LRP5: variants seen among roughly 807,000 people sequenced by gnomAD.
LRP5 encodes LDL receptor related protein 5.
In LRP5, 62 loss-of-function variants were observed where a neutral mutation model predicts 154.1. That is an observed-to-expected ratio of 0.40 (90% CI 0.33 to 0.50). The LOEUF (loss-of-function observed/expected upper bound fraction) is 0.50. Ranked by LOEUF, LRP5 falls within the 20% of genes least tolerant of loss-of-function variation. The pLI is 0.55. For missense variants in LRP5, 1,915 were observed against 2,336.7 expected (o/e 0.82, Z 3.72); for synonymous variants, 966 against 1,011.5 (o/e 0.96, Z 0.85).
chr11:68,424,184 G>A (rs896970176), intron 14 of LRP5, among the ~76,000 whole-genome samples: 5 of 152,158 alleles, frequency 3.3e-5, no homozygotes, highest in Non-Finnish European at 7.4e-5. Flanking sequence ...GAGGGAGACC[G>A]AAACCCATGT....
intron 1 of LRP5, among the ~76,000 whole-genome samples, chr11:68,335,768 T>C (rs568854551): frequency 6.6e-6 from 1 of 151,970 alleles, no homozygotes; most frequent in Non-Finnish European, 1.5e-5. Context: ...AAAAGCACAG[T>C]GATGTGGAAA....
At chr11:68,327,648 C>T (rs554117701) in intron 1 of LRP5, among the ~76,000 whole-genome samples, 1 of 152,292 alleles carries the variant, frequency 6.6e-6, no homozygotes, top group Admixed American at 6.5e-5. Flanking sequence ...AGTTCCACCT[C>T]CTATGAGGAC....
At chr11:68,357,091 A>T (rs1022613638) in intron 2 of LRP5, among the ~76,000 whole-genome samples, 1 of 151,904 alleles carries the variant, frequency 6.6e-6, no homozygotes, top group African/African-American at 2.4e-5. Context: ...GCTCACTACC[A>T]CGCCTGGCTA....
intron 7 of LRP5, among the ~76,000 whole-genome samples, chr11:68,398,674 A>G (rs1296693622): frequency 1.3e-5 from 2 of 151,828 alleles, no homozygotes; most frequent in African/African-American, 4.8e-5. Flanking sequence ...AGGAGGTTTC[A>G]TGACCCATGA....
chr11:68,379,177 C>G (rs1050823421), intron 5 of LRP5, among the ~76,000 whole-genome samples: 1 of 152,218 alleles, frequency 6.6e-6, no homozygotes, highest in Non-Finnish European at 1.5e-5. Flanking sequence ...ATCATTCACT[C>G]TTCTCCAGAG....
chr11:68,306,860 T>A, the LRP5 span, among the ~76,000 whole-genome samples: 1 of 152,220 alleles, frequency 6.6e-6, no homozygotes, highest in African/African-American at 2.4e-5. Flanking sequence ...CAGAAACGGA[T>A]GGACGATGAC....
At chr11:68,325,295 G>T (rs191290853) in intron 1 of LRP5, among the ~76,000 whole-genome samples, 1 of 152,196 alleles carries the variant, frequency 6.6e-6, no homozygotes, top group Non-Finnish European at 1.5e-5. Context: ...AAAGGCAGAC[G>T]GGAATGCAGA....
At chr11:68,393,145 A>G (rs1429236371) in intron 7 of LRP5, among the ~76,000 whole-genome samples, 15 of 151,948 alleles carry the variant, frequency 9.9e-5, no homozygotes, top group Admixed American at 9.8e-4. Flanking sequence ...AAAAACAAAA[A>G]AAAAAGTTCC....
intron 7 of LRP5, among the ~76,000 whole-genome samples, chr11:68,397,202 G>T (rs888276677): frequency 6.6e-6 from 1 of 152,150 alleles, no homozygotes; most frequent in Non-Finnish European, 1.5e-5. Context: ...CCAGGGGAAG[G>T]CCTGGCTGGG....
chr11:68,368,064 CAAAAA>C (rs35969123), intron 5 of LRP5, among the ~76,000 whole-genome samples: 2 of 94,616 alleles, frequency 2.1e-5, no homozygotes, highest in Admixed American at 1.2e-4. Context: ...GACCCTGTCT[CAAAAA>C]AAAAAAAAAA....
At chr11:68,318,746 G>A (rs2098594967) in intron 1 of LRP5, among the ~76,000 whole-genome samples, 1 of 152,142 alleles carries the variant, frequency 6.6e-6, no homozygotes, top group South Asian at 2.1e-4. Context: ...ATATGACAAC[G>A]GCTCCTCTCC....
In LRP5 at chr11:68,413,700, G is replaced by T; in HGVS notation, c.2515G>T (p.Val839Phe). ...ESSNMLGQER[V>F]VIADDLPHPF... ...GTGTGTTCATGCAGGTCAGGAGCGGGTCGTGATTGCCGACGATCTCCCGCA... is the reference window on the plus strand; with the variant it reads ...GTGTGTTCATGCAGGTCAGGAGCGGTTCGTGATTGCCGACGATCTCCCGCA... Residue 839 changes from valine to phenylalanine, a missense_variant, in exon 12 of 23, where the codon GTC becomes TTC. Physicochemically the swap from Val to Phe is conservative, Grantham distance 50. Coordinates refer to ENST00000294304, the MANE Select transcript of LRP5 (RefSeq NM_002335.4). This position sits in a 1 kb window ranked among gnomAD's most constrained non-coding sequence, Gnocchi z 5.1. The T allele has an allele frequency of 6.2e-7, 1 of 1,613,774 alleles. No homozygotes were observed. Among genetic ancestry groups the T allele is most frequent in the Non-Finnish European group, 8.5e-7 (1 of 1,180,032 alleles).
intron 7 of LRP5, among the ~76,000 whole-genome samples, chr11:68,391,126 G>A (rs777716833): frequency 2.0e-5 from 3 of 152,112 alleles, no homozygotes; most frequent in African/African-American, 7.2e-5. Context: ...CCGCCACCAC[G>A]CCTGGCTAAA....
chr11:68,325,453 C>T (rs1031248749), intron 1 of LRP5, among the ~76,000 whole-genome samples: 2 of 152,194 alleles, frequency 1.3e-5, no homozygotes, highest in Admixed American at 6.5e-5. Flanking sequence ...GCACCTAAGG[C>T]CAGCTTGGTC....
chr11:68,299,288 G>C, the LRP5 span, among the ~76,000 whole-genome samples: 3 of 152,326 alleles, frequency 2.0e-5, no homozygotes, highest in Admixed American at 2.0e-4. Flanking sequence ...GGAGGGGCTT[G>C]GGTGGAGGCT....
chr11:68,355,569 C>T (rs2098622511), intron 2 of LRP5, among the ~76,000 whole-genome samples: 1 of 152,226 alleles, frequency 6.6e-6, no homozygotes, highest in African/African-American at 2.4e-5. Context: ...GAGAGTCACG[C>T]CCAGCCTCTG....
intron 5 of LRP5, among the ~76,000 whole-genome samples, chr11:68,383,169 C>T (rs181468375): frequency 6.6e-5 from 10 of 152,300 alleles, no homozygotes; most frequent in Admixed American, 1.3e-4. Flanking sequence ...TGAGCCACCG[C>T]GCCCGGCCTA....
chr11:68,391,156 A>G (rs1473009466), intron 7 of LRP5, among the ~76,000 whole-genome samples: 4 of 152,162 alleles, frequency 2.6e-5, no homozygotes, highest in African/African-American at 9.7e-5. Flanking sequence ...TTTAGTAGAC[A>G]GGGGGTTTCA....
At chr11:68,434,349 CTT>C (rs2098673677) in intron 18 of LRP5, among the ~76,000 whole-genome samples, 1 of 124,326 alleles carries the variant, frequency 8.0e-6, no homozygotes, top group East Asian at 2.4e-4. Context: ...TGTGAGTTTT[CTT>C]TCATTCATTC....
Sources: allele counts gnomAD v4.1 joint callset (sites outside exome capture counted in the v4.1 genomes callset), GRCh38; gene constraint gnomAD v4.1.1; non-coding constraint Gnocchi (gnomAD v3.1); transcripts MANE v1.5; gene names NCBI Gene and HGNC (gene_info 2026-07-23, HGNC 2026-07-21).